Variants in SEC24A observed in about 807,000 individuals in gnomAD.
The protein encoded by SEC24A is protein transport protein Sec24A.
A neutral mutation model predicts 129.4 loss-of-function variants in SEC24A; 93 were observed. The observed-to-expected ratio is 0.72, with a 90% CI of 0.61 to 0.85. The LOEUF (loss-of-function observed/expected upper bound fraction) is 0.85, where lower values mean the gene tolerates loss of function less well. Ranked by LOEUF, SEC24A falls within the 40% of genes least tolerant of loss-of-function variation. The pLI, the probability that SEC24A is intolerant of heterozygous loss-of-function variation, is 0.00. For synonymous variants in SEC24A, 460 were observed against 467.3 expected, an observed-to-expected ratio of 0.98 and a Z score of 0.20; for missense variants, 1,264 against 1,307.4, an observed-to-expected ratio of 0.97 and a Z score of 0.51.
In SEC24A at chr5:134,718,088, A is replaced by T. The variant is rs1752530300; in HGVS notation, c.2885A>T (p.Asp962Val). 1.2e-6 allele frequency: 2 copies of T among 1,614,026 alleles called. No homozygotes were observed. The highest frequency in any genetic ancestry group is 1.7e-6 in the Non-Finnish European group (2 of 1,179,892). The change falls in exon 20 of 23, where the codon GAT becomes GTT. Residue 962 changes from aspartate to valine, a missense_variant. Transcript: ENST00000398844. ...LSDEGALNIS[D>V]RTIPQPPILQ... ...CCTCAGGGAGCACTCAACATCAGTG[A>T]TAGAACCATACCTCAGCCCCCCATT...
In SEC24A at chr5:134,689,138, C is replaced by T. The variant is rs115306575; in HGVS notation, c.1723+839C>T. ...AATTAACTTGAAATGGACTAAAGAC[C>T]TAAACTTAAGAGCTATAAGTATAAA... On this transcript the variant is annotated intron_variant, in intron 11 of 22. Transcript: ENST00000398844. 3.4e-3 allele frequency among the ~76,000 whole-genome samples: 521 copies of T among 152,240 alleles called. 4 individuals carry two copies. Among genetic ancestry groups the T allele is most frequent in the African/African-American group, 0.012 (499 of 41,542 alleles).
intron 15 of SEC24A, among the ~76,000 whole-genome samples, chr5:134,699,538 A>G (rs747990669): frequency 6.1e-4 from 93 of 151,728 alleles, no homozygotes; most frequent in Non-Finnish European, 9.9e-4. Flanking sequence ...TGATCTGGTG[A>G]TCCGTCCGCC....
At position 134,726,794 on chromosome 5, in the gene SEC24A, A is replaced by AT. The variant is rs1209967572; in HGVS notation, c.*1704dup. ...TAACTAAAATGTTCCTCTTAATGTGATTTTAAATGGAGTTATTTGTAGGTC... is the reference window on the plus strand; with the variant it reads ...TAACTAAAATGTTCCTCTTAATGTGATTTTTAAATGGAGTTATTTGTAGGTC... On this transcript the variant is annotated 3_prime_UTR_variant, in exon 23 of 23. Transcript: ENST00000398844. 2 of 152,102 alleles carry AT rather than the reference A, an allele frequency of 1.3e-5. No homozygotes were observed. Among genetic ancestry groups the AT allele is most frequent in the Non-Finnish European group, 2.9e-5 (2 of 67,984 alleles). 9.4% of individuals were successfully genotyped at this position (152,102 alleles called of 1,614,324 possible).
chr5:134,674,063 G>A (rs1219672770), intron 4 of SEC24A, among the ~76,000 whole-genome samples: 1 of 152,074 alleles, frequency 6.6e-6, no homozygotes, highest in African/African-American at 2.4e-5. Context: ...AACCCGGGAG[G>A]TAGAGGTTGC....
intron 11 of SEC24A, among the ~76,000 whole-genome samples, chr5:134,690,247 T>A (rs986859111): frequency 6.6e-6 from 1 of 152,184 alleles, no homozygotes; most frequent in Non-Finnish European, 1.5e-5. Context: ...CTTGAACTCC[T>A]GACCTCAGGT....
chr5:134,693,978 C>A, intron 13 of SEC24A, 45 bp downstream of exon 13: 1 of 1,503,582 alleles, frequency 6.7e-7, no homozygotes, highest in Non-Finnish European at 9.2e-7. Flanking sequence ...GCTGGTGTTC[C>A]ATCCCTGTGA....
rs557939961 is a variant in SEC24A, at chr5:134,649,884, G to A, written c.97+711G>A. 9.2e-5 allele frequency among the ~76,000 whole-genome samples: 14 copies of A among 152,218 alleles called. No homozygotes were observed. The South Asian group carries it at 2.3e-3, about 25-fold the overall frequency. On this transcript the variant is annotated intron_variant, in intron 1 of 22. Coordinates refer to ENST00000398844, the MANE Select transcript of SEC24A (RefSeq NM_021982.3). The stretch of plus-strand genomic sequence containing the variant: ...TACCTCTTCTAGGATTCCTTAAATC[G>A]TCCTACATTGTGATTTGCTAAGATT...
Position 134,682,457 on chromosome 5 carries a change from A to T in SEC24A, c.1466A>T (p.Glu489Val), listed in dbSNP as rs1350825244. The change falls in exon 9 of 23, where the codon GAG becomes GTG. Residue 489 changes from glutamate to valine, a missense_variant. Coordinates refer to ENST00000398844, the MANE Select transcript of SEC24A (RefSeq NM_021982.3). ...RRPEVQNATI[E>V]FMAPSEYMLR... is the part of the protein sequence containing the mutation. ...CCAGAAGTTCAAAATGCTACTATTG[A>T]GTTTATGGCTCCTTCAGAATACATG... The T allele has an allele frequency of 6.3e-7, 1 of 1,593,898 alleles. No homozygotes were observed. The highest frequency in any genetic ancestry group is 8.6e-7 in the Non-Finnish European group (1 of 1,161,840).
At chr5:134,711,650 C>A (rs1182059311) in intron 18 of SEC24A, among the ~76,000 whole-genome samples, 1 of 150,966 alleles carries the variant, frequency 6.6e-6, no homozygotes, top group East Asian at 1.9e-4. Context: ...ACGACCTCAG[C>A]CTCCTGAGTA....
intron 7 of SEC24A, among the ~76,000 whole-genome samples, chr5:134,678,354 T>C (rs1751139198): frequency 6.6e-6 from 1 of 152,176 alleles, no homozygotes; most frequent in Admixed American, 6.6e-5. Flanking sequence ...TCATTGGTCA[T>C]ATATTTTAGA....
chr5:134,693,241 T>C, intron 12 of SEC24A: 1 of 1,471,586 alleles, frequency 6.8e-7, no homozygotes, highest in Non-Finnish European at 9.0e-7. Flanking sequence ...GAAGTATTTT[T>C]TTCCCCATTA....
intron 11 of SEC24A, among the ~76,000 whole-genome samples, chr5:134,692,108 G>A (rs1459368564): frequency 5.4e-5 from 8 of 147,044 alleles, no homozygotes; most frequent in Admixed American, 6.9e-5. Flanking sequence ...CACTAGCCTG[G>A]GAGTGCAGTG....
intron 1 of SEC24A, among the ~76,000 whole-genome samples, chr5:134,650,839 ATC>A (rs1437352083): frequency 6.6e-6 from 1 of 151,980 alleles, no homozygotes; most frequent in Non-Finnish European, 1.5e-5. Flanking sequence ...CAATGGCGCT[ATC>A]TCGGCTCACT....
chr5:134,655,825 A>G (rs1750225293), intron 1 of SEC24A, among the ~76,000 whole-genome samples: 1 of 152,014 alleles, frequency 6.6e-6, no homozygotes, highest in South Asian at 2.1e-4. Flanking sequence ...ATATCACCAG[A>G]AGGGTAGTTA....
chr5:134,690,641 C>G (rs972358948), intron 11 of SEC24A, among the ~76,000 whole-genome samples: 2 of 152,126 alleles, frequency 1.3e-5, no homozygotes, highest in African/African-American at 4.8e-5. Flanking sequence ...TAATCAGAAA[C>G]AAAATATAGA....
At chr5:134,690,208 C>A (rs1388305035) in intron 11 of SEC24A, among the ~76,000 whole-genome samples, 1 of 152,106 alleles carries the variant, frequency 6.6e-6, no homozygotes, top group African/African-American at 2.4e-5. Flanking sequence ...TTAGTAGAAA[C>A]AAGGTCTTAC....
chr5:134,705,083 TA>T lies in SEC24A; in HGVS notation c.2441-243del, dbSNP rs1561827990. ...TTATATTTATATTTATATATATATA[TA>T]TATATATTTTTTTTTTTTTAATTAA... On this transcript the variant is annotated intron_variant, in intron 16 of 22. Coordinates refer to ENST00000398844, the MANE Select transcript of SEC24A (RefSeq NM_021982.3). Among the ~76,000 whole-genome samples, 490 of 130,954 alleles carry T rather than the reference TA, an allele frequency of 3.7e-3. 1 individual carries two copies. Among genetic ancestry groups the T allele is most frequent in the African/African-American group, 0.013 (458 of 34,532 alleles). The allele number at this position is 130,954 out of a possible 152,430, so 85.9% of individuals were successfully genotyped here. A position where few individuals can be genotyped will look rare whatever the true frequency, so the allele number is the denominator to read the frequency against.
chr5:134,718,242 C>A, intron 20 of SEC24A, 69 bp downstream of exon 20: 1 of 1,125,528 alleles, frequency 8.9e-7, no homozygotes, highest in Non-Finnish European at 1.4e-6. Context: ...CATTTGGTTT[C>A]ATTCCCTTTA....
intron 3 of SEC24A, among the ~76,000 whole-genome samples, chr5:134,668,814 T>G (rs1424483431): frequency 6.6e-6 from 1 of 151,858 alleles, no homozygotes; most frequent in Non-Finnish European, 1.5e-5. Context: ...GAGAATTGCT[T>G]GAACCCGTAA....
Sources: allele counts gnomAD v4.1 joint callset (sites outside exome capture counted in the v4.1 genomes callset), GRCh38; gene constraint gnomAD v4.1.1; transcripts MANE v1.5; gene names NCBI Gene and HGNC (gene_info 2026-07-23, HGNC 2026-07-21).